VPS50: variants seen among roughly 807,000 people sequenced by gnomAD.
The protein encoded by VPS50 is syndetin.
A neutral mutation model predicts 139.7 loss-of-function variants in VPS50; 70 were observed. That is an observed-to-expected ratio of 0.50 (90% CI 0.41 to 0.61). The LOEUF (loss-of-function observed/expected upper bound fraction) is 0.61. Among genes scored for constraint, VPS50 ranks in the 20% least tolerant of loss-of-function variants. The pLI is 0.00. For synonymous variants in VPS50, 365 were observed against 376.7 expected (o/e 0.97, Z 0.36); for missense variants, 921 against 1,133.7 (o/e 0.81, Z 2.69).
chr7:93,325,452 GA>G (rs1797741111), intron 21 of VPS50, among the ~76,000 whole-genome samples: 1 of 151,768 alleles, frequency 6.6e-6, no homozygotes, highest in East Asian at 1.9e-4. Context: ...TGACAAATGG[GA>G]TCTAATTAAA....
At chr7:93,251,323 A>G (rs1004140162) in intron 2 of VPS50, among the ~76,000 whole-genome samples, 1 of 152,230 alleles carries the variant, frequency 6.6e-6, no homozygotes, top group East Asian at 1.9e-4. Context: ...TGGCACATAT[A>G]TACCTTGTAA....
intron 4 of VPS50, among the ~76,000 whole-genome samples, chr7:93,255,302 TA>T (rs1795454081): frequency 6.6e-6 from 1 of 152,140 alleles, no homozygotes; most frequent in African/African-American, 2.4e-5. Context: ...TAGAGTCTCA[TA>T]AGGAGCACAC....
intron 12 of VPS50, 134 bp from the exon 13 acceptor site, chr7:93,291,569 C>T (rs778374858): frequency 5.3e-5 from 26 of 489,248 alleles, no homozygotes; most frequent in Admixed American, 7.8e-5. Context: ...TGAATTTTCT[C>T]TTTAGATATG....
At chr7:93,306,060 C>A in intron 18 of VPS50, 56 bp downstream of exon 18, 2 of 1,311,818 alleles carry the variant, frequency 1.5e-6, no homozygotes, top group South Asian at 1.2e-5. Context: ...CTGTTCTACT[C>A]AATGAACAAG....
intron 19 of VPS50, among the ~76,000 whole-genome samples, chr7:93,310,303 CT>C (rs1361612056): frequency 1.3e-5 from 2 of 151,994 alleles, no homozygotes; most frequent in African/African-American, 2.4e-5. Context: ...TCAGTTCTAA[CT>C]TGTGTCTCTT....
At chr7:93,310,775 C>T (rs528168659) in intron 19 of VPS50, among the ~76,000 whole-genome samples, 6 of 152,048 alleles carry the variant, frequency 3.9e-5, no homozygotes, top group East Asian at 3.9e-4. Context: ...TATGCTGCCC[C>T]GTAACCCCAA....
intron 19 of VPS50, among the ~76,000 whole-genome samples, chr7:93,310,399 C>T (rs148168165): frequency 1.3e-5 from 2 of 152,054 alleles, no homozygotes; most frequent in East Asian, 1.9e-4. Context: ...TAAATCAACT[C>T]CTTTACCTTG....
chr7:93,302,134 A>G (rs1355009042), intron 16 of VPS50, among the ~76,000 whole-genome samples: 1 of 152,066 alleles, frequency 6.6e-6, no homozygotes, highest in East Asian at 1.9e-4. Flanking sequence ...TGAGTTGTCA[A>G]GTTTTCTACT....
intron 21 of VPS50, among the ~76,000 whole-genome samples, chr7:93,330,347 C>A (rs1797899183): frequency 1.3e-5 from 2 of 152,088 alleles, no homozygotes; most frequent in Admixed American, 1.3e-4. Flanking sequence ...ACAGTAGGTG[C>A]AAACTCAACT....
At position 93,324,432 on chromosome 7, in the gene VPS50, G is replaced by A. The variant is rs1484706674; in HGVS notation, c.1977+700G>A. ...TGATATTGGCTGTGGGTTTGTCATA[G>A]ATAGCTCTTATTATTTTGAGATACA... On this transcript the variant is annotated intron_variant, in intron 21 of 27. Coordinates refer to ENST00000305866, the MANE Select transcript of VPS50 (RefSeq NM_017667.4). Among the ~76,000 whole-genome samples the A allele has an allele frequency of 3.3e-5, 5 of 152,262 alleles. No individual in the cohort carries two copies. The East Asian group carries it at 9.6e-4, about 29-fold the overall frequency.
At chr7:93,353,595 G>T in intron 25 of VPS50, 45 bp from the exon 26 acceptor site, 1 of 1,576,652 alleles carries the variant, frequency 6.3e-7, no homozygotes, top group South Asian at 1.2e-5. Context: ...AAGCATTGTG[G>T]CATTTTAATG....
At position 93,341,509 on chromosome 7, in the gene VPS50, T is replaced by G; in HGVS notation, c.2141T>G (p.Leu714Arg). 3 of 1,611,686 alleles carry G rather than the reference T, an allele frequency of 1.9e-6. No individual in the cohort carries two copies. The highest frequency in any genetic ancestry group is 2.5e-6 in the Non-Finnish European group (3 of 1,177,940). ...GTGCCAAGTCCACACCTCAGTCACC[T>G]AGTGGTTTTGACATCTGGGGATACG... ...EKVPSPHLSH[L>R]VVLTSGDTLY... The change falls in exon 23 of 28, where the codon CTA (leucine) becomes CGA (arginine). Residue 714 changes from leucine (L) to arginine (R), a missense_variant. This residue lies in a region of VPS50 where 744 missense variants were observed against 930.6 expected (regional missense o/e 0.80). Coordinates refer to ENST00000305866, the MANE Select transcript of VPS50 (RefSeq NM_017667.4).
chr7:93,349,717 A>G (rs1295247162), intron 24 of VPS50, among the ~76,000 whole-genome samples, 158 bp from the exon 25 acceptor site: 2 of 152,348 alleles, frequency 1.3e-5, no homozygotes, highest in East Asian at 1.9e-4. Context: ...CTTTGCCTTC[A>G]CTCAAATATT....
intron 24 of VPS50, among the ~76,000 whole-genome samples, chr7:93,349,195 T>G (rs1798489012): frequency 6.6e-6 from 1 of 151,660 alleles, no homozygotes; most frequent in Admixed American, 6.6e-5. Flanking sequence ...AGAGGGTGAA[T>G]GAGGGATGGA....
chr7:93,244,716 T>C (rs1236099653), intron 2 of VPS50, among the ~76,000 whole-genome samples: 2 of 151,884 alleles, frequency 1.3e-5, no homozygotes, highest in Middle Eastern at 3.2e-3. Flanking sequence ...GGTGAATTTA[T>C]TTAGTGATCA....
At chr7:93,240,217 GCACA>G (rs371902647) in intron 2 of VPS50, among the ~76,000 whole-genome samples, 2,559 of 142,330 alleles carry the variant, frequency 0.018, 32 homozygotes, top group East Asian at 0.047. Context: ...ATATGTGTAT[GCACA>G]CACACACACA....
chr7:93,301,427 C>T (rs904814451), intron 16 of VPS50, among the ~76,000 whole-genome samples: 2 of 151,988 alleles, frequency 1.3e-5, no homozygotes, highest in Admixed American at 1.3e-4. Flanking sequence ...TTTGTAACTG[C>T]GTTTACCTTC....
At chr7:93,249,563 C>G (rs1016311029) in intron 2 of VPS50, among the ~76,000 whole-genome samples, 2 of 152,070 alleles carry the variant, frequency 1.3e-5, no homozygotes, top group Non-Finnish European at 2.9e-5. Flanking sequence ...TGGCTTGGCT[C>G]TATTTCTGAT....
Position 93,334,317 on chromosome 7 carries a change from G to A in VPS50, c.2058+120G>A, listed in dbSNP as rs34600863. 1.4e-3 allele frequency: 877 copies of A among 645,868 alleles called. 1 individual carries two copies. Among genetic ancestry groups the A allele is most frequent in the Non-Finnish European group, 2.0e-3 (729 of 367,932 alleles). The allele number at this position is 645,868 out of a possible 1,614,324, so 40.0% of individuals were successfully genotyped here. A position where few individuals can be genotyped will look rare whatever the true frequency, so the allele number is the denominator to read the frequency against. On this transcript the variant is annotated intron_variant, in intron 22 of 27. Coordinates refer to ENST00000305866, the MANE Select transcript of VPS50 (RefSeq NM_017667.4). ...AGTAGCTGAGTCCTCAGAATTAAAT[G>A]AGTGCATATAGGAAGTAAAACAGAG...
Sources: allele counts gnomAD v4.1 joint callset (sites outside exome capture counted in the v4.1 genomes callset), GRCh38; gene constraint gnomAD v4.1.1; regional missense constraint gnomAD v4.1.1; transcripts MANE v1.5; gene names NCBI Gene and HGNC (gene_info 2026-07-23, HGNC 2026-07-21).